ZNF212: variants seen among roughly 807,000 people sequenced by gnomAD.
ZNF212 encodes Zinc finger protein C2H2-150.
ZNF212 carries 32 observed loss-of-function variants against 47.3 expected under a neutral mutation model. The observed-to-expected ratio is 0.68, with a 90% CI of 0.51 to 0.91. ZNF212 has a LOEUF of 0.91. Among genes scored for constraint, ZNF212 ranks in the 40% least tolerant of loss-of-function variants. The probability of loss-of-function intolerance (pLI) is 0.00; values close to 1 mark genes in which losing one functional copy is unlikely to be tolerated. For synonymous variants in ZNF212, 242 were observed against 253.8 expected, an observed-to-expected ratio of 0.95 and a Z score of 0.44; for missense variants, 555 against 622.8, an observed-to-expected ratio of 0.89 and a Z score of 1.16.
At chr7:149,244,805 CACCCTCTTCATGT>C (rs1796654365) in intron 1 of ZNF212, among the ~76,000 whole-genome samples, 6 of 152,294 alleles carry the variant, frequency 3.9e-5, no homozygotes, top group Non-Finnish European at 1.5e-5. Context: ...ACACTTCATG[CACCCTCTTCATGT>C]GGCTTGGGAT....
chr7:149,243,886 A>G (rs927473462), intron 1 of ZNF212, among the ~76,000 whole-genome samples: 67 of 152,324 alleles, frequency 4.4e-4, no homozygotes, highest in African/African-American at 1.2e-3. Flanking sequence ...GCTTTTGAGC[A>G]CTTGAAATGT....
chr7:149,241,740 A>G (rs1796592089), intron 1 of ZNF212, among the ~76,000 whole-genome samples: 1 of 152,260 alleles, frequency 6.6e-6, no homozygotes, highest in Non-Finnish European at 1.5e-5. Flanking sequence ...GGCATTGGCC[A>G]AACATTCATC....
At chr7:149,247,484 TTAG>T (rs938259044) in intron 1 of ZNF212, among the ~76,000 whole-genome samples, 5 of 152,222 alleles carry the variant, frequency 3.3e-5, no homozygotes, top group African/African-American at 1.2e-4. Flanking sequence ...AGTAGTAGAC[TTAG>T]TAGTCGAAGT....
chr7:149,253,456 T>C (rs1182555728), intron 4 of ZNF212, 103 bp from the exon 5 acceptor site: 4 of 1,422,212 alleles, frequency 2.8e-6, no homozygotes, highest in Non-Finnish European at 3.8e-6. Context: ...CTAATTCACT[T>C]ATTCCTGGGG....
chr7:149,239,838 T>C lies in ZNF212; in HGVS notation c.24+36T>C, dbSNP rs112766524. 4.2e-3 allele frequency: 5,311 copies of C among 1,266,794 alleles called. 186 individuals are homozygous for C. In the African/African-American group the frequency reaches 0.073, roughly 17 times the overall value. 78.5% of individuals were successfully genotyped at this position (1,266,794 alleles called of 1,614,324 possible). On this transcript the variant is annotated intron_variant, in intron 1 of 4. Transcript: ENST00000335870. ...ACCGGCGCGCTGGCTCGAGGGCGCG[T>C]TGGGGATGGCGGAGTCCCCTGCCGG... is the stretch of plus-strand genomic sequence containing the variant.
intron 1 of ZNF212, among the ~76,000 whole-genome samples, chr7:149,249,155 T>C (rs1010712769): frequency 6.6e-6 from 1 of 152,248 alleles, no homozygotes; most frequent in Admixed American, 6.5e-5. Context: ...TTAGCTTCTA[T>C]GACAGTGATT....
At chr7:149,242,512 TC>T (rs1266979731) in intron 1 of ZNF212, among the ~76,000 whole-genome samples, 2 of 152,144 alleles carry the variant, frequency 1.3e-5, no homozygotes, top group Non-Finnish European at 2.9e-5. Flanking sequence ...CAAAAATGTT[TC>T]AGAAACAAAG....
chr7:149,245,089 C>G (rs574808275), intron 1 of ZNF212, among the ~76,000 whole-genome samples: 1 of 152,244 alleles, frequency 6.6e-6, no homozygotes, highest in African/African-American at 2.4e-5. Context: ...TGGCTCATGC[C>G]TATAATCCTA....
intron 1 of ZNF212, among the ~76,000 whole-genome samples, chr7:149,246,814 T>C (rs1002175595): frequency 2.0e-4 from 6 of 29,892 alleles, no homozygotes; most frequent in African/African-American, 9.5e-4. Context: ...GTCTGAATTC[T>C]TTTTTTTTTT....
intron 1 of ZNF212, among the ~76,000 whole-genome samples, chr7:149,242,888 C>T (rs552955750): frequency 6.6e-6 from 1 of 151,950 alleles, no homozygotes; most frequent in South Asian, 2.1e-4. Flanking sequence ...GGTCGTATAA[C>T]TTACAGATCA....
rs1438869860 is a variant in ZNF212, at chr7:149,253,581, G to A, written c.654G>A (p.Gln218=). ...CAGCAGGTGGGGTCATGATCAAACA[G>A]GAGCTACAGTATACACAGGAAGGCC... ...AHPAGGVMIK[Q]ELQYTQEGPA... Residue 218 remains glutamine (Q), a synonymous_variant, in exon 5 of 5, where the codon CAG becomes CAA. Transcript: ENST00000335870. 1.9e-6 allele frequency: 3 copies of A among 1,604,274 alleles called. No homozygotes were observed. The highest frequency in any genetic ancestry group is 1.3e-5 in the African/African-American group (1 of 74,724).
chr7:149,249,543 G>A (rs1336280868), intron 1 of ZNF212, among the ~76,000 whole-genome samples: 4 of 151,932 alleles, frequency 2.6e-5, no homozygotes, highest in South Asian at 2.1e-4. Context: ...GAACATACAC[G>A]CTATAATTTC....
At position 149,253,539 on chromosome 7, in the gene ZNF212, G is replaced by C. The variant is rs1468799306; in HGVS notation, c.632-20G>C. 5.1e-6 allele frequency: 8 copies of C among 1,572,694 alleles called. No homozygotes were observed. Among genetic ancestry groups the C allele is most frequent in the Non-Finnish European group, 6.0e-6 (7 of 1,157,792 alleles). On this transcript the variant is annotated intron_variant, in intron 4 of 4. Transcript: ENST00000335870. ...GTACTAGAATGTGATCTTTTTTGTT[G>C]GTCTTCTTCCACTTTGCAGCAGGTG...
At chr7:149,243,514 A>G (rs1299904813) in intron 1 of ZNF212, among the ~76,000 whole-genome samples, 1 of 151,926 alleles carries the variant, frequency 6.6e-6, no homozygotes, top group Non-Finnish European at 1.5e-5. Flanking sequence ...AGTTGAATAT[A>G]AAAGGTCATG....
intron 1 of ZNF212, among the ~76,000 whole-genome samples, chr7:149,243,524 G>C (rs1266437374): frequency 1.3e-5 from 2 of 148,708 alleles, no homozygotes. Flanking sequence ...AAAAGGTCAT[G>C]AAAAAATATG....
chr7:149,245,272 A>G (rs1447869755), intron 1 of ZNF212, among the ~76,000 whole-genome samples: 1 of 150,830 alleles, frequency 6.6e-6, no homozygotes, highest in Non-Finnish European at 1.5e-5. Context: ...AATCACTTGA[A>G]CCTGAGACAG....
At chr7:149,241,431 CAAAAAAAAA>C (rs35747561) in intron 1 of ZNF212, among the ~76,000 whole-genome samples, 1 of 76,760 alleles carries the variant, frequency 1.3e-5, no homozygotes, top group African/African-American at 5.1e-5. Context: ...GACTCTGTCT[CAAAAAAAAA>C]AAAAAAAAAA....
intron 3 of ZNF212, 101 bp downstream of exon 3, chr7:149,250,908 G>GTCCTCTGTCCTGTGCAA: frequency 6.6e-7 from 1 of 1,525,798 alleles, no homozygotes. Flanking sequence ...TGTGGCTGTG[G>GTCCTCTGTCCTGTGCAA]GTCCTCTGTC....
chr7:149,253,747 G>C lies in ZNF212; in HGVS notation c.820G>C (p.Val274Leu), dbSNP rs550484422. 3 of 1,614,130 alleles carry C rather than the reference G, an allele frequency of 1.9e-6. No individual in the cohort carries two copies. In the East Asian group the frequency reaches 6.7e-5, roughly 36 times the overall value. The change falls in exon 5 of 5, where the codon GTT becomes CTT. Residue 274 changes from valine to leucine, a missense_variant. Coordinates refer to ENST00000335870, the MANE Select transcript of ZNF212 (RefSeq NM_012256.4). ...TGGGGACTCTACTCTAGAGGAGCCT[G>C]TTGGTAGTAGAGTTCCTAGCAGCAG... ...GPGDSTLEEP[V>L]GSRVPSSSRT...
Sources: allele counts gnomAD v4.1 joint callset (sites outside exome capture counted in the v4.1 genomes callset), GRCh38; gene constraint gnomAD v4.1.1; transcripts MANE v1.5; gene names NCBI Gene and HGNC (gene_info 2026-07-23, HGNC 2026-07-21).